SLC10A7: variants seen among roughly 807,000 people sequenced by gnomAD.
SLC10A7 encodes sodium/bile acid cotransporter 7.
A neutral mutation model predicts 43.2 loss-of-function variants in SLC10A7; 29 were observed. The ratio of observed to expected loss-of-function variants is 0.67; its 90% CI spans 0.50 to 0.92. The LOEUF is 0.92. Among genes scored for constraint, SLC10A7 ranks in the 40% least tolerant of loss-of-function variants. The pLI is 0.00. For synonymous variants in SLC10A7, 152 were observed against 144.8 expected, an observed-to-expected ratio of 1.05 and a Z score of -0.35; for missense variants, 295 against 403.2, an observed-to-expected ratio of 0.73 and a Z score of 2.30.
chr4:146,386,209 G>C (rs1156826182), intron 5 of SLC10A7, among the ~76,000 whole-genome samples: 1 of 152,186 alleles, frequency 6.6e-6, no homozygotes, highest in Non-Finnish European at 1.5e-5. Context: ...CAGTGTTTAA[G>C]AATTCCTTTT....
intron 5 of SLC10A7, among the ~76,000 whole-genome samples, chr4:146,349,210 A>T (rs1734841728): frequency 6.6e-6 from 1 of 152,200 alleles, no homozygotes; most frequent in Admixed American, 6.6e-5. Context: ...CATTAAACAG[A>T]CACTTCTCAA....
intron 5 of SLC10A7, among the ~76,000 whole-genome samples, chr4:146,326,423 G>A (rs530371770): frequency 1.2e-3 from 188 of 152,302 alleles, no homozygotes; most frequent in African/African-American, 4.4e-3. Context: ...CGTCAGTTGT[G>A]ATGAATGAGA....
At position 146,331,254 on chromosome 4, in the gene SLC10A7, C is replaced by T. The variant is rs575072395; in HGVS notation, c.436-5258G>A. ...ACTTGGAAATGAGGCAACAAGAGGA[C>T]AGCATGTCCCTTTAATGTCATCTTG... On this transcript the variant is annotated intron_variant, in intron 5 of 11. Transcript: ENST00000335472. 9.7e-4 allele frequency among the ~76,000 whole-genome samples: 147 copies of T among 152,270 alleles called. No individual in the cohort carries two copies. In the South Asian group the frequency reaches 0.015, roughly 16 times the overall value.
intron 5 of SLC10A7, among the ~76,000 whole-genome samples, chr4:146,336,178 C>A (rs1451319108): frequency 6.6e-6 from 1 of 152,072 alleles, no homozygotes; most frequent in African/African-American, 2.4e-5. Context: ...GCTATTGTAC[C>A]TGGAAAGCAG....
chr4:146,260,572 G>T (rs72727990), intron 10 of SLC10A7, among the ~76,000 whole-genome samples: 2 of 152,164 alleles, frequency 1.3e-5, no homozygotes, highest in Admixed American at 6.5e-5. Flanking sequence ...TCTCAGAAGG[G>T]AAGCCATAGA....
At chr4:146,374,118 T>C (rs1449466680) in intron 5 of SLC10A7, among the ~76,000 whole-genome samples, 1 of 152,210 alleles carries the variant, frequency 6.6e-6, no homozygotes, top group East Asian at 1.9e-4. Context: ...TTCTCCATTT[T>C]CTATTTTGAG....
At chr4:146,464,914 T>G (rs1732872927) in intron 4 of SLC10A7, among the ~76,000 whole-genome samples, 1 of 152,146 alleles carries the variant, frequency 6.6e-6, no homozygotes, top group African/African-American at 2.4e-5. Context: ...AGTATTCCCT[T>G]AACTCACAAT....
chr4:146,416,337 A>G (rs1473811609), intron 5 of SLC10A7, among the ~76,000 whole-genome samples: 2 of 152,302 alleles, frequency 1.3e-5, no homozygotes, highest in South Asian at 4.1e-4. Flanking sequence ...GAGAATTTCA[A>G]AAGACTGGAG....
At chr4:146,484,090 A>T (rs1048182147) in intron 4 of SLC10A7, among the ~76,000 whole-genome samples, 1 of 152,200 alleles carries the variant, frequency 6.6e-6, no homozygotes, top group Non-Finnish European at 1.5e-5. Context: ...AGTGGCTCAC[A>T]TCTGTAATTC....
intron 5 of SLC10A7, among the ~76,000 whole-genome samples, chr4:146,435,121 T>A (rs1347668001): frequency 6.6e-6 from 1 of 152,164 alleles, no homozygotes; most frequent in East Asian, 1.9e-4. Context: ...CAACATCCAG[T>A]AAATCTAGGC....
chr4:146,502,337 T>C (rs895002289), intron 4 of SLC10A7, among the ~76,000 whole-genome samples: 7 of 152,208 alleles, frequency 4.6e-5, no homozygotes, highest in African/African-American at 1.7e-4. Flanking sequence ...CTTTAAAAAA[T>C]AGTTTGGTAA....
Position 146,517,098 on chromosome 4 carries a change from A to C in SLC10A7, c.123T>G (p.Thr41=). Reference sequence around the variant, plus strand: ...TTGTTGCAACAGCAATGTAGGATACAGTTATTTCTGGCTTCAGTGGTCCTA... The same window carrying C: ...TTGTTGCAACAGCAATGTAGGATACCGTTATTTCTGGCTTCAGTGGTCCTA... ...VNGGPLKPEI[T]VSYIAVATIF... The change falls in exon 2 of 12, where the codon ACT becomes ACG. Residue 41 remains threonine (T), a synonymous_variant. Transcript: ENST00000335472. 6.2e-7 allele frequency: 1 copy of C among 1,609,486 alleles called. No homozygotes were observed. Among genetic ancestry groups the C allele is most frequent in the Non-Finnish European group, 8.5e-7 (1 of 1,177,066 alleles).
chr4:146,381,015 C>T (rs900389379), intron 5 of SLC10A7, among the ~76,000 whole-genome samples: 1 of 152,096 alleles, frequency 6.6e-6, no homozygotes, highest in Non-Finnish European at 1.5e-5. Context: ...CTGATCCACT[C>T]ATTTATAATT....
At chr4:146,323,043 T>A (rs925850052) in intron 6 of SLC10A7, among the ~76,000 whole-genome samples, 3 of 152,226 alleles carry the variant, frequency 2.0e-5, no homozygotes, top group Non-Finnish European at 4.4e-5. Context: ...TCTGTTGATA[T>A]CCTTTGCCCA....
intron 5 of SLC10A7, among the ~76,000 whole-genome samples, chr4:146,389,806 G>C (rs978161441): frequency 6.6e-6 from 1 of 152,116 alleles, no homozygotes; most frequent in African/African-American, 2.4e-5. Context: ...TGAAACCTTG[G>C]GCAAATCACT....
chr4:146,491,718 AG>A (rs1176308641), intron 4 of SLC10A7, among the ~76,000 whole-genome samples: 3 of 150,108 alleles, frequency 2.0e-5, no homozygotes, highest in Non-Finnish European at 4.5e-5. Flanking sequence ...GAAGGAAGGA[AG>A]GAAGGAAGGA....
At chr4:146,428,036 G>C (rs1284116958) in intron 5 of SLC10A7, among the ~76,000 whole-genome samples, 1 of 151,992 alleles carries the variant, frequency 6.6e-6, no homozygotes, top group African/African-American at 2.4e-5. Context: ...AATTAGCTGG[G>C]CATGGTGGCG....
At chr4:146,498,137 A>G (rs1227839701) in intron 4 of SLC10A7, among the ~76,000 whole-genome samples, 2 of 148,736 alleles carry the variant, frequency 1.3e-5, no homozygotes, top group East Asian at 3.9e-4. Context: ...TTTTATTTTG[A>G]GACGGAGTCT....
intron 4 of SLC10A7, among the ~76,000 whole-genome samples, chr4:146,503,302 A>G (rs1157883992): frequency 2.0e-5 from 3 of 152,222 alleles, no homozygotes; most frequent in Non-Finnish European, 2.9e-5. Context: ...AGAACCCCCT[A>G]TAAGTAGCTT....
Sources: gnomAD v4.1 joint callset for allele counts (sites outside exome capture counted in the v4.1 genomes callset) on GRCh38, gnomAD v4.1.1 for gene constraint, MANE v1.5 for transcripts, NCBI Gene and HGNC (gene_info 2026-07-23, HGNC 2026-07-21) for gene names.